Variants in STARD6 observed in about 807,000 individuals in gnomAD.
The protein encoded by STARD6 is StAR related lipid transfer domain containing 6, also known as stAR-related lipid transfer protein 6.
Under a neutral mutation model 22.3 loss-of-function variants are expected in STARD6, and 21 were observed. The observed-to-expected ratio is 0.94, with a 90% CI of 0.67 to 1.35. The LOEUF is 1.35. Ranked by LOEUF, STARD6 falls within the 40% of genes most tolerant of loss-of-function variation. The pLI is 0.00. For missense variants in STARD6, 269 were observed against 266.9 expected, an observed-to-expected ratio of 1.01 and a Z score of -0.05; for synonymous variants, 80 against 88.1, an observed-to-expected ratio of 0.91 and a Z score of 0.52.
intron 4 of STARD6, among the ~76,000 whole-genome samples, chr18:54,353,505 T>A (rs1395497216): frequency 6.6e-6 from 1 of 151,928 alleles, no homozygotes; most frequent in Non-Finnish European, 1.5e-5. Context: ...CAAAAACATA[T>A]AAAAATTAGT....
intron 5 of STARD6, among the ~76,000 whole-genome samples, chr18:54,333,566 A>G (rs1054486843): frequency 3.3e-5 from 5 of 152,230 alleles, no homozygotes; most frequent in Non-Finnish European, 5.9e-5. Flanking sequence ...CTCAAACTGA[A>G]TGTTCAAATC....
At position 54,328,597 on chromosome 18, in the gene STARD6, T is replaced by C. The variant is rs2088842685; in HGVS notation, c.479+750A>G. Among the ~76,000 whole-genome samples the C allele has an allele frequency of 3.3e-5, 5 of 151,998 alleles. No individual in the cohort carries two copies. In the South Asian group the frequency reaches 1.0e-3, roughly 31 times the overall value. On this transcript the variant is annotated intron_variant, in intron 7 of 7. Transcript: ENST00000307844. ...GTTCAGTAGAGGAAATGTTAAGGAA[T>C]ACAGGTCCAAAATTTAATTTCATTT...
intron 4 of STARD6, among the ~76,000 whole-genome samples, chr18:54,346,952 G>A (rs2089042354): frequency 6.6e-6 from 1 of 152,050 alleles, no homozygotes; most frequent in African/African-American, 2.4e-5. Flanking sequence ...CTTTTTTGGG[G>A]AGGAGAATGT....
At chr18:54,325,101 G>A (rs2088813023) in intron 7 of STARD6, among the ~76,000 whole-genome samples, 1 of 151,898 alleles carries the variant, frequency 6.6e-6, no homozygotes, top group African/African-American at 2.4e-5. Flanking sequence ...AGTAATGTAT[G>A]CTTATTATGA....
At chr18:54,328,051 C>T (rs1000951792) in intron 7 of STARD6, among the ~76,000 whole-genome samples, 5 of 152,064 alleles carry the variant, frequency 3.3e-5, no homozygotes, top group African/African-American at 1.2e-4. Context: ...GTATAGGCCA[C>T]CCACCCGTTA....
At chr18:54,342,481 G>A (rs886604460) in intron 4 of STARD6, among the ~76,000 whole-genome samples, 6 of 116,062 alleles carry the variant, frequency 5.2e-5, no homozygotes, top group Admixed American at 1.5e-4. Flanking sequence ...CTCCGTCTCC[G>A]TCTCCGTCTC....
intron 4 of STARD6, among the ~76,000 whole-genome samples, chr18:54,348,089 T>C (rs1377564544): frequency 2.0e-5 from 3 of 152,148 alleles, no homozygotes; most frequent in South Asian, 2.1e-4. Flanking sequence ...TCTTCTGCTA[T>C]GATTGTGAGA....
intron 5 of STARD6, among the ~76,000 whole-genome samples, chr18:54,334,333 T>G (rs950370804): frequency 6.6e-6 from 1 of 152,222 alleles, no homozygotes; most frequent in Non-Finnish European, 1.5e-5. Context: ...TACCTCCTTA[T>G]AATCCATGCT....
rs200929915 is a variant in STARD6, at chr18:54,329,340, C to T, written c.479+7G>A. 1.3e-6 allele frequency: 2 copies of T among 1,571,204 alleles called. No individual in the cohort carries two copies. Among genetic ancestry groups the T allele is most frequent in the East Asian group, 4.7e-5 (2 of 42,716 alleles). ...TGTTAAAATAAATAAGTGCAAACAA[C>T]ACTTACTCTTCCATTGGTGAACATA... On this transcript the variant is annotated splice_region_variant and intron_variant, in intron 7 of 7. Transcript: ENST00000307844.
intron 1 of STARD6, chr18:54,357,115 C>T (rs1014890211): frequency 1.3e-5 from 2 of 152,246 alleles, no homozygotes; most frequent in Non-Finnish European, 2.9e-5. Flanking sequence ...TCAAGGATAT[C>T]TTCACTCATA....
At chr18:54,343,188 CCGCCCCGTCTGAGAA>C (rs1212826057) in intron 4 of STARD6, among the ~76,000 whole-genome samples, 1 of 36,720 alleles carries the variant, frequency 2.7e-5, no homozygotes. Flanking sequence ...CTCTGCCCGG[CCGCCCCGTCTGAGAA>C]GTGAGGAGAC....
intron 4 of STARD6, among the ~76,000 whole-genome samples, chr18:54,345,106 C>T (rs1160843005): frequency 1.3e-5 from 2 of 151,986 alleles, no homozygotes; most frequent in East Asian, 3.8e-4. Flanking sequence ...AGAAGTAAAA[C>T]TCTTCATGAC....
chr18:54,337,158 C>G lies in STARD6; in HGVS notation c.234G>C (p.Leu78Phe), dbSNP rs754039183. 3 of 1,613,108 alleles carry G rather than the reference C, an allele frequency of 1.9e-6. No individual in the cohort carries two copies. The highest frequency in any genetic ancestry group is 2.5e-6 in the Non-Finnish European group (3 of 1,179,494). ...TCCTGTGTACCATATTATACACTTG[C>G]AATGATTTATCCCATGTAATTCTGT... ...TGDRITWDKS[L>F]QVYNMVHRID... The change falls in exon 5 of 8, where the codon TTG becomes TTC. Residue 78 changes from leucine (L) to phenylalanine (F), a missense_variant. Physicochemically the swap from Leu to Phe is conservative, Grantham distance 22. Coordinates refer to ENST00000307844, the MANE Select transcript of STARD6 (RefSeq NM_139171.2).
intron 4 of STARD6, among the ~76,000 whole-genome samples, chr18:54,339,056 A>T (rs1362922414): frequency 6.9e-6 from 1 of 144,756 alleles, no homozygotes; most frequent in Non-Finnish European, 1.5e-5. Flanking sequence ...AAAAAAAAAA[A>T]AAAAAAAAAA....
intron 6 of STARD6, 95 bp from the exon 7 acceptor site, chr18:54,329,535 A>C: frequency 1.0e-6 from 1 of 976,740 alleles, no homozygotes; most frequent in Non-Finnish European, 1.5e-6. Flanking sequence ...CATTTAAGTT[A>C]GTTAATAGCA....
intron 7 of STARD6, among the ~76,000 whole-genome samples, chr18:54,329,126 G>A (rs2088846529): frequency 6.6e-6 from 1 of 152,108 alleles, no homozygotes; most frequent in South Asian, 2.1e-4. Flanking sequence ...ACTGTTCTCA[G>A]AAACCTCAGA....
chr18:54,325,558 T>G (rs1053261589), intron 7 of STARD6, among the ~76,000 whole-genome samples: 3 of 152,110 alleles, frequency 2.0e-5, no homozygotes, highest in African/African-American at 7.2e-5. Context: ...TTTATGCTTT[T>G]TTTTTTTGAG....
chr18:54,348,599 A>G (rs1033013995), intron 4 of STARD6, among the ~76,000 whole-genome samples: 1 of 152,168 alleles, frequency 6.6e-6, no homozygotes, highest in Admixed American at 6.6e-5. Flanking sequence ...TGGGGATAAT[A>G]ACAGTGCTTA....
intron 5 of STARD6, among the ~76,000 whole-genome samples, chr18:54,335,116 T>C (rs539434532): frequency 1.3e-5 from 2 of 152,272 alleles, no homozygotes; most frequent in East Asian, 3.9e-4. Flanking sequence ...GAGAATGAAT[T>C]TTAATACATT....
Sources: allele counts gnomAD v4.1 joint callset (sites outside exome capture counted in the v4.1 genomes callset), GRCh38; gene constraint gnomAD v4.1.1; transcripts MANE v1.5; gene names NCBI Gene and HGNC (gene_info 2026-07-23, HGNC 2026-07-21).